Variants in TAOK3 observed in about 807,000 individuals in gnomAD.
The protein encoded by TAOK3 is TAO kinase 3.
Under a neutral mutation model 120.4 loss-of-function variants are expected in TAOK3, and 40 were observed. That is an observed-to-expected ratio of 0.33 (90% CI 0.26 to 0.43). The LOEUF (loss-of-function observed/expected upper bound fraction) is 0.43. Among genes scored for constraint, TAOK3 ranks in the 20% least tolerant of loss-of-function variants. TAOK3 has a pLI of 1.00. For synonymous variants in TAOK3, 355 were observed against 387.5 expected (o/e 0.92, Z 0.99); for missense variants, 821 against 1,112.1 (o/e 0.74, Z 3.72).
At chr12:118,235,966 T>C (rs2040003845) in intron 7 of TAOK3, 2 of 260,184 alleles carry the variant, frequency 7.7e-6, no homozygotes, top group Admixed American at 4.7e-5. Flanking sequence ...AGAAAACCTA[T>C]TCAGCTGCTA....
intron 5 of TAOK3, among the ~76,000 whole-genome samples, chr12:118,240,790 C>T (rs932860679): frequency 6.6e-6 from 1 of 151,948 alleles, no homozygotes; most frequent in Non-Finnish European, 1.5e-5. Flanking sequence ...AGTAGATGCT[C>T]ATTATGAAAT....
At chr12:118,260,837 C>T (rs918095938) in intron 2 of TAOK3, among the ~76,000 whole-genome samples, 3 of 152,154 alleles carry the variant, frequency 2.0e-5, no homozygotes, top group African/African-American at 7.2e-5. Flanking sequence ...TGCGCCACCA[C>T]ATCCAGCTAA....
At chr12:118,253,755 C>CAAAAAAA (rs11299995) in intron 3 of TAOK3, among the ~76,000 whole-genome samples, 1 of 146,100 alleles carries the variant, frequency 6.8e-6, no homozygotes, top group African/African-American at 2.5e-5. Context: ...AACAAACAAA[C>CAAAAAAA]AAAAAAAAAA....
intron 1 of TAOK3, among the ~76,000 whole-genome samples, chr12:118,365,485 G>T (rs895262367): frequency 3.9e-5 from 6 of 152,154 alleles, no homozygotes; most frequent in South Asian, 2.1e-4. Flanking sequence ...CTGGGCTCAA[G>T]AAATCCTCCC....
intron 1 of TAOK3, among the ~76,000 whole-genome samples, chr12:118,311,006 A>G (rs982701577): frequency 2.0e-5 from 3 of 151,620 alleles, no homozygotes; most frequent in Non-Finnish European, 2.9e-5. Context: ...GTAGATATCT[A>G]CAGATTCTAT....
chr12:118,214,171 TAAG>T (rs1253794621), intron 9 of TAOK3, 61 bp from the exon 10 acceptor site: 14 of 1,313,114 alleles, frequency 1.1e-5, no homozygotes, highest in Non-Finnish European at 1.4e-5. Flanking sequence ...GACAGAGAAA[TAAG>T]AAACTATGAG....
chr12:118,339,275 CTTTTTTTT>C (rs72009582), intron 1 of TAOK3, among the ~76,000 whole-genome samples: 4 of 86,912 alleles, frequency 4.6e-5, no homozygotes, highest in East Asian at 4.2e-4. Flanking sequence ...CTTCATCATA[CTTTTTTTT>C]TTTTTTTTTT....
At chr12:118,342,232 G>C (rs570836735) in intron 1 of TAOK3, among the ~76,000 whole-genome samples, 65 of 152,292 alleles carry the variant, frequency 4.3e-4, no homozygotes, top group African/African-American at 1.5e-3. Context: ...TGTTTCCAGT[G>C]AGAAAGCTAC....
intron 13 of TAOK3, among the ~76,000 whole-genome samples, chr12:118,193,690 C>T (rs1256856802): frequency 4.6e-5 from 7 of 152,170 alleles, no homozygotes. Flanking sequence ...CTCAAGCGAT[C>T]CACCCACCCC....
At chr12:118,275,886 G>A (rs926099478) in intron 1 of TAOK3, among the ~76,000 whole-genome samples, 1 of 152,196 alleles carries the variant, frequency 6.6e-6, no homozygotes, top group South Asian at 2.1e-4. Context: ...AAGTGAAGGA[G>A]TAAGCCCTGA....
rs935206860 is a variant in TAOK3, at chr12:118,172,555, G to A, written c.1801C>T (p.Leu601Phe). Residue 601 changes from leucine to phenylalanine, a missense_variant, in exon 17 of 21, where the codon CTC becomes TTC. Transcript: ENST00000392533. ...HTQAEEEAHL[L>F]TQQRLYYDKN... ...TCGTAGTACAGTCTCTGTTGAGTGA[G>A]AAGGTGGGCTTCCTCTTCAGCCTGT... 1.2e-6 allele frequency: 2 copies of A among 1,614,096 alleles called. No homozygotes were observed. Among genetic ancestry groups the A allele is most frequent in the Admixed American group, 3.3e-5 (2 of 60,006 alleles).
chr12:118,215,516 G>GAAC (rs1008321028), intron 9 of TAOK3, among the ~76,000 whole-genome samples: 8 of 150,912 alleles, frequency 5.3e-5, no homozygotes, highest in African/African-American at 9.7e-5. Context: ...TGTCTCAAAA[G>GAAC]AACAACAACA....
intron 1 of TAOK3, among the ~76,000 whole-genome samples, chr12:118,319,396 C>G (rs995176574): frequency 6.6e-6 from 1 of 151,934 alleles, no homozygotes. Context: ...AATCATAAAC[C>G]TGATAAGAAT....
intron 1 of TAOK3, among the ~76,000 whole-genome samples, chr12:118,330,623 A>G (rs575121): frequency 0.38 from 58,410 of 151,720 alleles, 11,713 homozygotes; most frequent in Non-Finnish European, 0.44. Context: ...TTACAAAAGA[A>G]GATAGCTGCT....
intron 1 of TAOK3, among the ~76,000 whole-genome samples, chr12:118,339,211 G>A (rs1332302619): frequency 6.7e-6 from 1 of 150,188 alleles, no homozygotes; most frequent in Non-Finnish European, 1.5e-5. Flanking sequence ...GCAGGGAGAA[G>A]AGACAAGCTG....
chr12:118,337,734 G>A (rs2044425261), intron 1 of TAOK3, among the ~76,000 whole-genome samples: 2 of 152,194 alleles, frequency 1.3e-5, no homozygotes, highest in African/African-American at 2.4e-5. Context: ...GAACAGATTA[G>A]TGGTTGCCAG....
intron 1 of TAOK3, among the ~76,000 whole-genome samples, chr12:118,365,547 C>T (rs1022358192): frequency 6.6e-6 from 1 of 152,142 alleles, no homozygotes; most frequent in African/African-American, 2.4e-5. Flanking sequence ...TGCCCATTGT[C>T]TCTTTAGTAC....
chr12:118,177,364 T>A (rs934229719), intron 15 of TAOK3, 35 bp from the exon 16 acceptor site: 2 of 1,605,536 alleles, frequency 1.2e-6, no homozygotes, highest in Non-Finnish European at 1.7e-6. Context: ...AGGATGAATC[T>A]ATTCTTTACA....
chr12:118,308,600 A>C (rs894697548), intron 1 of TAOK3, among the ~76,000 whole-genome samples: 2 of 152,120 alleles, frequency 1.3e-5, no homozygotes, highest in African/African-American at 4.8e-5. Context: ...GGTGCTGCCC[A>C]AAAATGGTCT....
Sources: allele counts gnomAD v4.1 joint callset (sites outside exome capture counted in the v4.1 genomes callset), GRCh38; gene constraint gnomAD v4.1.1; transcripts MANE v1.5; gene names NCBI Gene and HGNC (gene_info 2026-07-23, HGNC 2026-07-21).